Variants in RYR2 observed in about 807,000 individuals in gnomAD.
RYR2 encodes ryanodine receptor 2, also known as cardiac muscle ryanodine receptor-calcium release channel.
RYR2 carries 227 observed loss-of-function variants against 601.1 expected under a neutral mutation model. The ratio of observed to expected loss-of-function variants is 0.38; its 90% CI spans 0.34 to 0.42. RYR2 has a LOEUF of 0.42. RYR2 is among the 10% of genes least tolerant of loss of function. RYR2 has a pLI of 1.00. For missense variants in RYR2, 4,646 were observed against 6,156.5 expected (o/e 0.75, Z 8.21); for synonymous variants, 2,223 against 2,175.1 (o/e 1.02, Z -0.61).
intron 79 of RYR2, among the ~76,000 whole-genome samples, chr1:237,734,009 A>C (rs1412590373): frequency 6.6e-6 from 1 of 152,234 alleles, no homozygotes; most frequent in Non-Finnish European, 1.5e-5. Context: ...TGGAGATAAC[A>C]TGTGAAGAAG....
At chr1:237,569,553 A>G (rs1672448380) in intron 29 of RYR2, among the ~76,000 whole-genome samples, 4 of 152,142 alleles carry the variant, frequency 2.6e-5, no homozygotes. Context: ...GGCTTTTATG[A>G]GTATGAATAA....
At chr1:237,162,902 G>A (rs1676197969) in intron 1 of RYR2, among the ~76,000 whole-genome samples, 2 of 152,098 alleles carry the variant, frequency 1.3e-5, no homozygotes, top group Admixed American at 1.3e-4. Flanking sequence ...CAAAAGGGTG[G>A]CTACTAAGCA....
At chr1:237,644,927 G>C (rs1681967596) in intron 48 of RYR2, among the ~76,000 whole-genome samples, 1 of 152,232 alleles carries the variant, frequency 6.6e-6, no homozygotes, top group East Asian at 1.9e-4. Context: ...AGCTACTCAG[G>C]AGGCCGAGGC....
rs1309323541 is a variant in RYR2 at position 237,575,707 on chromosome 1, G to T, written c.3598+6388G>T. On this transcript the variant is annotated intron_variant, in intron 29 of 104. Coordinates refer to ENST00000366574, the MANE Select transcript of RYR2 (RefSeq NM_001035.3). Reference sequence around the variant, plus strand: ...GTTATATGAGAAATGTAATTACAGAGCACTTATAAAACCTTTCAGTACTTT... The same window carrying T: ...GTTATATGAGAAATGTAATTACAGATCACTTATAAAACCTTTCAGTACTTT... Among the ~76,000 whole-genome samples the T allele has an allele frequency of 2.0e-5, 3 of 152,276 alleles. No homozygotes were observed. In the East Asian group the frequency reaches 5.8e-4, roughly 29 times the overall value.
At position 237,352,746 on chromosome 1, in the gene RYR2, G is replaced by A. The variant is rs187354690; in HGVS notation, c.274-3219G>A. ...ATTAGGACAAAGACAGAAAAATAGA[G>A]CAGGATAGAGTTCATAAGTAGATCT... is the stretch of plus-strand genomic sequence containing the variant. On this transcript the variant is annotated intron_variant, in intron 3 of 104. Transcript: ENST00000366574. 2.0e-3 allele frequency: 702 copies of A among 353,548 alleles called. 2 individuals carry two copies. The highest frequency in any genetic ancestry group is 2.5e-3 in the Non-Finnish European group (431 of 172,032). 21.9% of individuals were successfully genotyped at this position (353,548 alleles called of 1,614,324 possible).
chr1:237,112,739 TC>T (rs1251348366), intron 1 of RYR2, among the ~76,000 whole-genome samples: 1 of 152,174 alleles, frequency 6.6e-6, no homozygotes, highest in Non-Finnish European at 1.5e-5. Flanking sequence ...TTGATTTATC[TC>T]CCCATGAGGA....
intron 35 of RYR2, among the ~76,000 whole-genome samples, chr1:237,604,899 A>C (rs1676933667): frequency 6.6e-6 from 1 of 152,138 alleles, no homozygotes; most frequent in South Asian, 2.1e-4. Flanking sequence ...GAATAGACCA[A>C]TAACAGGCTC....
At chr1:237,462,177 C>T (rs1030557008) in intron 16 of RYR2, among the ~76,000 whole-genome samples, 6 of 152,178 alleles carry the variant, frequency 3.9e-5, no homozygotes, top group East Asian at 3.9e-4. Context: ...GCCTCCTTCC[C>T]GTTATTCGAA....
At chr1:237,189,803 A>T (rs747354006) in intron 1 of RYR2, among the ~76,000 whole-genome samples, 3 of 152,216 alleles carry the variant, frequency 2.0e-5, no homozygotes, top group Non-Finnish European at 2.9e-5. Flanking sequence ...GACAACGTAA[A>T]AATGGGATTG....
At chr1:237,209,517 T>TGTGTGTGTGTGTA (rs1558429611) in intron 1 of RYR2, among the ~76,000 whole-genome samples, 123 of 20,860 alleles carry the variant, frequency 5.9e-3, no homozygotes, top group Admixed American at 0.026. Flanking sequence ...GTGTGTGTAT[T>TGTGTGTGTGTGTA]TTTTTTTTTT....
At chr1:237,751,658 A>G (rs1469902069) in intron 80 of RYR2, among the ~76,000 whole-genome samples, 1 of 152,236 alleles carries the variant, frequency 6.6e-6, no homozygotes, top group Non-Finnish European at 1.5e-5. Flanking sequence ...CCTCTAGTGC[A>G]TTAACTGAAT....
At chr1:237,150,823 G>C (rs938682235) in intron 1 of RYR2, among the ~76,000 whole-genome samples, 2 of 152,086 alleles carry the variant, frequency 1.3e-5, no homozygotes, top group Admixed American at 6.5e-5. Context: ...CCAGATTTTG[G>C]TTTCAAAAGC....
intron 25 of RYR2, among the ~76,000 whole-genome samples, chr1:237,541,470 C>T (rs1669249892): frequency 1.3e-5 from 2 of 152,178 alleles, no homozygotes; most frequent in African/African-American, 4.8e-5. Context: ...GTGCTTCCTC[C>T]TATCCCCCTT....
intron 88 of RYR2, among the ~76,000 whole-genome samples, chr1:237,781,043 G>A (rs368640621): frequency 2.0e-5 from 3 of 151,874 alleles, no homozygotes; most frequent in African/African-American, 7.2e-5. Flanking sequence ...GTTCATTGTC[G>A]GTACAAATAC....
At chr1:237,488,894 G>A (rs1035612651) in intron 17 of RYR2, among the ~76,000 whole-genome samples, 2 of 152,072 alleles carry the variant, frequency 1.3e-5, no homozygotes, top group East Asian at 1.9e-4. Flanking sequence ...TCACGGACGC[G>A]CGTGACAACC....
intron 63 of RYR2, among the ~76,000 whole-genome samples, chr1:237,688,589 C>CT (rs946551736): frequency 2.4e-4 from 37 of 152,096 alleles, no homozygotes; most frequent in Non-Finnish European, 5.0e-4. Flanking sequence ...TTAAAATTGC[C>CT]TGAGTTTTTA....
intron 2 of RYR2, among the ~76,000 whole-genome samples, chr1:237,327,038 G>T (rs1419632031): frequency 6.6e-6 from 1 of 152,116 alleles, no homozygotes; most frequent in Non-Finnish European, 1.5e-5. Flanking sequence ...GACTTTAAAA[G>T]GTACAAATTA....
intron 3 of RYR2, among the ~76,000 whole-genome samples, chr1:237,347,049 G>T (rs1453537105): frequency 6.6e-6 from 1 of 152,122 alleles, no homozygotes; most frequent in African/African-American, 2.4e-5. Context: ...AAAAGAGGTT[G>T]GGCATGGTGG....
At chr1:237,072,348 C>T (rs1269501883) in intron 1 of RYR2, among the ~76,000 whole-genome samples, 1 of 152,232 alleles carries the variant, frequency 6.6e-6, no homozygotes, top group Non-Finnish European at 1.5e-5. Flanking sequence ...GTTTAGCAAA[C>T]TCCACTTTCC....
Sources: gnomAD v4.1 joint callset for allele counts (sites outside exome capture counted in the v4.1 genomes callset) on GRCh38, gnomAD v4.1.1 for gene constraint, MANE v1.5 for transcripts, NCBI Gene and HGNC (gene_info 2026-07-23, HGNC 2026-07-21) for gene names.